IMPG2: variants seen among roughly 807,000 people sequenced by gnomAD.
IMPG2 encodes the protein IPM 200.
In IMPG2, 91 loss-of-function variants were observed where a neutral mutation model predicts 129.2. That is an observed-to-expected ratio of 0.70 (90% confidence interval 0.59 to 0.84). The LOEUF (loss-of-function observed/expected upper bound fraction) is 0.84. IMPG2 is among the 40% of genes least tolerant of loss of function. The pLI is 0.00. For synonymous variants in IMPG2, 510 were observed against 517.7 expected (o/e 0.99, Z 0.20); for missense variants, 1,430 against 1,461.7 (o/e 0.98, Z 0.35).
chr3:101,297,927 G>C (rs943979754), intron 3 of IMPG2, among the ~76,000 whole-genome samples: 1 of 152,242 alleles, frequency 6.6e-6, no homozygotes, highest in East Asian at 1.9e-4. Context: ...ACTTGATCCT[G>C]AGCTGAGTTC....
At chr3:101,238,551 T>C (rs1706371900) in intron 14 of IMPG2, among the ~76,000 whole-genome samples, 1 of 151,956 alleles carries the variant, frequency 6.6e-6, no homozygotes, top group Admixed American at 6.6e-5. Context: ...CAGAAGAGAG[T>C]GGGGACCAAC....
At chr3:101,301,050 A>C (rs1707135267) in intron 3 of IMPG2, among the ~76,000 whole-genome samples, 1 of 152,234 alleles carries the variant, frequency 6.6e-6, no homozygotes, top group Non-Finnish European at 1.5e-5. Flanking sequence ...CTCAGGGAAT[A>C]GGGAGGCCTG....
chr3:101,246,215 G>GCACA, intron 11 of IMPG2, 110 bp from the exon 12 acceptor site: 1 of 1,000,430 alleles, frequency 1.0e-6, no homozygotes. Context: ...GGACAAGGAG[G>GCACA]CGGTGTATTA....
chr3:101,285,834 A>G (rs1040088249), intron 4 of IMPG2, among the ~76,000 whole-genome samples: 4 of 152,142 alleles, frequency 2.6e-5, no homozygotes, highest in Non-Finnish European at 5.9e-5. Flanking sequence ...CCATTTTGTA[A>G]CATGGATACA....
intron 9 of IMPG2, among the ~76,000 whole-genome samples, chr3:101,261,980 C>G (rs1433844494): frequency 6.6e-6 from 1 of 152,082 alleles, no homozygotes; most frequent in African/African-American, 2.4e-5. Context: ...AGGAGAGTTT[C>G]TGTGTCTGAC....
intron 14 of IMPG2, among the ~76,000 whole-genome samples, chr3:101,242,312 T>C (rs1706417464): frequency 6.6e-6 from 1 of 152,220 alleles, no homozygotes; most frequent in South Asian, 2.1e-4. Flanking sequence ...TATTGACATT[T>C]ATATAAGGCT....
intron 8 of IMPG2, among the ~76,000 whole-genome samples, chr3:101,268,644 C>A (rs1706746891): frequency 6.6e-6 from 1 of 151,776 alleles, no homozygotes; most frequent in Admixed American, 6.6e-5. Context: ...TAAAGCCTGG[C>A]ACACTGTAAA....
At chr3:101,291,649 A>T in intron 3 of IMPG2, 139 bp from the exon 4 acceptor site, 1 of 696,706 alleles carries the variant, frequency 1.4e-6, no homozygotes, top group South Asian at 1.7e-5. Flanking sequence ...ACAAGTGATT[A>T]AAACAGGTAA....
intron 7 of IMPG2, among the ~76,000 whole-genome samples, chr3:101,272,828 G>A (rs1706800431): frequency 6.6e-6 from 1 of 152,170 alleles, no homozygotes; most frequent in African/African-American, 2.4e-5. Context: ...GATAAACTTG[G>A]CTAAAGAGAA....
At chr3:101,228,521 C>T (rs546778801) in intron 18 of IMPG2, among the ~76,000 whole-genome samples, 2 of 152,332 alleles carry the variant, frequency 1.3e-5, no homozygotes, top group Admixed American at 1.3e-4. Context: ...ATCTTCTCTG[C>T]CACTGGCTAT....
rs1204537397 is a variant in IMPG2, at chr3:101,232,961, G to A, written c.3053C>T (p.Ala1018Val). The change falls in exon 15 of 19, where the codon GCC (alanine) becomes GTC (valine). Residue 1018 changes from alanine to valine, a missense_variant. By Grantham distance (64) the Ala-to-Val change is moderately conservative (BLOSUM62 0). Coordinates refer to ENST00000193391, the MANE Select transcript of IMPG2 (RefSeq NM_016247.4). ...GDEANPCKFQ[A>V]CNEFSECLVN... ...CAGACACTCTGAAAATTCATTACAG[G>A]CCTGAAACTTGCAAGGGTTGGCTTC... The A allele has an allele frequency of 3.1e-6, 5 of 1,613,854 alleles. No homozygotes were observed. The highest frequency in any genetic ancestry group is 1.3e-5 in the African/African-American group (1 of 74,856).
In IMPG2 at chr3:101,320,452, G is replaced by GAGTT. The variant is rs1308418629; in HGVS notation, c.-84_-81dup. On this transcript the variant is annotated 5_prime_UTR_variant, in exon 1 of 19. An upstream open reading frame in the 5' UTR gains an earlier in-frame stop. Transcript: ENST00000193391. ...AATCCTTGAAACTTCCAATAACAAA[G>GAGTT]AGTTATAGGAAAGACCTAACATTTA... The GAGTT allele has an allele frequency of 4.7e-6, 4 of 849,102 alleles. No individual in the cohort carries two copies. Among genetic ancestry groups the GAGTT allele is most frequent in the South Asian group, 1.4e-5 (1 of 71,190 alleles). The allele number at this position is 849,102 out of a possible 1,614,324, so 52.6% of individuals were successfully genotyped here.
chr3:101,273,576 C>A lies in IMPG2; in HGVS notation c.828+5G>T. Reference sequence around the variant, plus strand: ...GCCTTGTTTGTTTTTTTTTTAATCACCCACCTCTGAAATAAATTCTTCTTC... The same window carrying A: ...GCCTTGTTTGTTTTTTTTTTAATCAACCACCTCTGAAATAAATTCTTCTTC... On this transcript the variant is annotated splice_donor_5th_base_variant and intron_variant, in intron 7 of 18. Transcript: ENST00000193391. The A allele has an allele frequency of 1.9e-6, 3 of 1,613,348 alleles. No homozygotes were observed. The highest frequency in any genetic ancestry group is 2.5e-6 in the Non-Finnish European group (3 of 1,179,654).
intron 11 of IMPG2, among the ~76,000 whole-genome samples, chr3:101,251,855 A>C (rs1706547431): frequency 1.3e-5 from 2 of 152,218 alleles, no homozygotes; most frequent in Non-Finnish European, 2.9e-5. Context: ...TCTATGGTAG[A>C]GTAAAATCTT....
At chr3:101,316,962 C>CA (rs1276189638) in intron 2 of IMPG2, among the ~76,000 whole-genome samples, 4 of 151,512 alleles carry the variant, frequency 2.6e-5, no homozygotes, top group African/African-American at 9.7e-5. Context: ...GAAACCAGAC[C>CA]AAAAAAAGAG....
chr3:101,273,391 C>G (rs1353939116), intron 7 of IMPG2, among the ~76,000 whole-genome samples, 190 bp downstream of exon 7: 2 of 152,160 alleles, frequency 1.3e-5, no homozygotes, highest in African/African-American at 4.8e-5. Context: ...CAAGATTTTT[C>G]TTTCTGTGAA....
At chr3:101,293,453 T>G (rs1398717910) in intron 3 of IMPG2, among the ~76,000 whole-genome samples, 2 of 152,220 alleles carry the variant, frequency 1.3e-5, no homozygotes, top group Non-Finnish European at 2.9e-5. Flanking sequence ...TAAACCATAC[T>G]GTAAACAGAT....
At chr3:101,243,489 G>C in intron 13 of IMPG2, 40 bp downstream of exon 13, 1 of 1,582,448 alleles carries the variant, frequency 6.3e-7, no homozygotes, top group East Asian at 2.2e-5. Context: ...GGTCATACAT[G>C]ATTATTCACT....
intron 7 of IMPG2, among the ~76,000 whole-genome samples, chr3:101,271,275 A>C (rs1008367212): frequency 6.6e-6 from 1 of 152,162 alleles, no homozygotes; most frequent in Non-Finnish European, 1.5e-5. Flanking sequence ...CTCACCTACC[A>C]TATTGATTTT....
Sources: allele counts gnomAD v4.1 joint callset (sites outside exome capture counted in the v4.1 genomes callset), GRCh38; gene constraint gnomAD v4.1.1; transcripts MANE v1.5; gene names NCBI Gene and HGNC (gene_info 2026-07-23, HGNC 2026-07-21).